Variants in CSNK1A1 observed in about 807,000 individuals in gnomAD.
CSNK1A1 encodes casein kinase I isoform alpha.
Under a neutral mutation model 46.1 loss-of-function variants are expected in CSNK1A1, and 7 were observed. The observed-to-expected ratio is 0.15, with a 90% CI of 0.09 to 0.29. The LOEUF is 0.29. CSNK1A1 is among the 10% of genes least tolerant of loss of function. The pLI, the probability that CSNK1A1 is intolerant of heterozygous loss-of-function variation, is 1.00. For synonymous variants in CSNK1A1, 137 were observed against 141.5 expected (o/e 0.97, Z 0.23); for missense variants, 96 against 417.1 (o/e 0.23, Z 6.71).
At chr5:149,498,243 A>C in intron 9 of CSNK1A1, 1 of 985,118 alleles carries the variant, frequency 1.0e-6, no homozygotes, top group Non-Finnish European at 1.2e-6. Context: ...TTTTTTGGGA[A>C]ATAATAGCGA....
intron 4 of CSNK1A1, among the ~76,000 whole-genome samples, chr5:149,514,269 T>C (rs889772271): frequency 1.3e-5 from 2 of 152,236 alleles, no homozygotes; most frequent in Non-Finnish European, 2.9e-5. Flanking sequence ...TATTCATTTA[T>C]AATGTAGCTA....
At position 149,493,467 on chromosome 5, in the gene CSNK1A1, T is replaced by A. The variant is rs1385015950; in HGVS notation, c.*3386A>T. 3 of 151,760 alleles carry A rather than the reference T, an allele frequency of 2.0e-5. No homozygotes were observed. Among genetic ancestry groups the A allele is most frequent in the African/African-American group, 7.3e-5 (3 of 41,268 alleles). 9.4% of individuals were successfully genotyped at this position (151,760 alleles called of 1,614,324 possible). A position where few individuals can be genotyped will look rare whatever the true frequency, so the allele number is the denominator to read the frequency against. ...CCAGGAGCCATTATTACTCTACTTT[T>A]GAGTATGTCCTCAAAACTGGTCTAA... On this transcript the variant is annotated 3_prime_UTR_variant, in exon 10 of 10. Transcript: ENST00000377843.
chr5:149,526,977 A>T (rs1332890104), intron 2 of CSNK1A1, among the ~76,000 whole-genome samples: 1 of 152,216 alleles, frequency 6.6e-6, no homozygotes, highest in Non-Finnish European at 1.5e-5. Flanking sequence ...AACCTGACAC[A>T]TGGATAACTG....
chr5:149,550,965 C>G lies in CSNK1A1; in HGVS notation c.-1G>C, dbSNP rs1207408669. 1 of 1,614,008 alleles carries G rather than the reference C, an allele frequency of 6.2e-7. No homozygotes were observed. Among genetic ancestry groups the G allele is most frequent in the Non-Finnish European group, 8.5e-7 (1 of 1,179,968 alleles). ...CCTTGGAGCCGCTGCTACTCGCCAT[C>G]CTGAGAGACGAAGATGGAGGCTGGG... is the stretch of plus-strand genomic sequence containing the variant. On this transcript the variant is annotated 5_prime_UTR_variant, in exon 1 of 10. Transcript: ENST00000377843. The surrounding 1 kb of genome is among the most constrained non-coding windows in gnomAD (Gnocchi z 4.3).
chr5:149,497,589 C>T lies in CSNK1A1; in HGVS notation c.1007-729G>A, dbSNP rs928882631. 8 of 985,376 alleles carry T rather than the reference C, an allele frequency of 8.1e-6. No homozygotes were observed. The African/African-American group carries it at 1.2e-4, about 15-fold the overall frequency. 61.0% of individuals were successfully genotyped at this position (985,376 alleles called of 1,614,324 possible). A position where few individuals can be genotyped will look rare whatever the true frequency, so the allele number is the denominator to read the frequency against. ...AATACAAGAAGCCTCAGGTCATAAC[C>T]ACACTTTATCTACAGCTAAAGGCAA... is the stretch of plus-strand genomic sequence containing the variant. On this transcript the variant is annotated intron_variant, in intron 9 of 9. Coordinates refer to ENST00000377843, the MANE Select transcript of CSNK1A1 (RefSeq NM_001892.6).
chr5:149,541,826 C>A lies in CSNK1A1; in HGVS notation c.230+8249G>T, dbSNP rs1193966888. On this transcript the variant is annotated intron_variant, in intron 2 of 9. Transcript: ENST00000377843. ...CCTCATCTCTACTAAAAAAAATTAG[C>A]CAGGCATGGTGGTATATGCCTGTAG... is the stretch of plus-strand genomic sequence containing the variant. Among the ~76,000 whole-genome samples, 3 of 151,844 alleles carry A rather than the reference C, an allele frequency of 2.0e-5. No homozygotes were observed. In the Middle Eastern group the frequency reaches 0.01, roughly 516 times the overall value.
chr5:149,545,614 G>A, intron 2 of CSNK1A1: 1 of 855,390 alleles, frequency 1.2e-6, no homozygotes, highest in East Asian at 2.8e-5. Context: ...AACCTCCTTG[G>A]GCTTTACGAG....
At chr5:149,524,919 T>A in intron 3 of CSNK1A1, 126 bp downstream of exon 3, 2 of 784,752 alleles carry the variant, frequency 2.5e-6, no homozygotes, top group South Asian at 3.1e-5. Flanking sequence ...CACATTATTA[T>A]TTTTTTTCTG....
At chr5:149,543,423 T>A (rs906799770) in intron 2 of CSNK1A1, among the ~76,000 whole-genome samples, 1 of 152,122 alleles carries the variant, frequency 6.6e-6, no homozygotes, top group Non-Finnish European at 1.5e-5. Context: ...TAGTATACCA[T>A]GAATTCAGTT....
rs899025518 is a variant in CSNK1A1, at chr5:149,497,723, C to T, written c.1007-863G>A. The T allele has an allele frequency of 7.9e-5, 78 of 985,520 alleles. 1 individual carries two copies. The Middle Eastern group carries it at 2.1e-3, about 26-fold the overall frequency. 61.0% of individuals were successfully genotyped at this position (985,520 alleles called of 1,614,324 possible). ...GGCACCAATGCTCCTTTGTCTACCT[C>T]CTTACAAATGAGCTAGAAACTATAG... On this transcript the variant is annotated intron_variant, in intron 9 of 9. Transcript: ENST00000377843.
intron 6 of CSNK1A1, among the ~76,000 whole-genome samples, chr5:149,510,282 G>T (rs941053915): frequency 1.3e-5 from 2 of 151,896 alleles, no homozygotes; most frequent in Non-Finnish European, 2.9e-5. Context: ...TTAAGGAGAT[G>T]GGGTCTCACT....
intron 9 of CSNK1A1, chr5:149,505,005 T>C (rs1232848134): frequency 2.0e-6 from 2 of 985,680 alleles, no homozygotes; most frequent in Non-Finnish European, 2.4e-6. Context: ...ACATGCAAAA[T>C]AAAAAATCTT....
chr5:149,504,315 T>C lies in CSNK1A1; in HGVS notation c.1006+1132A>G, dbSNP rs139512006. 1,191 of 984,592 alleles carry C rather than the reference T, an allele frequency of 1.2e-3. 15 individuals carry two copies. The African/African-American group carries it at 0.019, about 16-fold the overall frequency. The allele number at this position is 984,592 out of a possible 1,614,324, so 61.0% of individuals were successfully genotyped here. Reference sequence around the variant, plus strand: ...GGATGAGGATGACATCAGTTAATAATATTTCTTGAAAAGTATCTTCAGATT... The same window carrying C: ...GGATGAGGATGACATCAGTTAATAACATTTCTTGAAAAGTATCTTCAGATT... On this transcript the variant is annotated intron_variant, in intron 9 of 9. Coordinates refer to ENST00000377843, the MANE Select transcript of CSNK1A1 (RefSeq NM_001892.6).
chr5:149,499,224 G>C, intron 9 of CSNK1A1: 2 of 981,188 alleles, frequency 2.0e-6, no homozygotes, highest in Non-Finnish European at 2.4e-6. Flanking sequence ...GGCTCATCCA[G>C]GCTTCCAAGA....
At chr5:149,541,638 C>T (rs554005061) in intron 2 of CSNK1A1, among the ~76,000 whole-genome samples, 1 of 152,102 alleles carries the variant, frequency 6.6e-6, no homozygotes, top group Admixed American at 6.5e-5. Context: ...ATGAGAAAAC[C>T]AAGACTTAAT....
At position 149,550,967 on chromosome 5, in the gene CSNK1A1, TGA is replaced by T. The variant is rs1434187025; in HGVS notation, c.-5_-4del. On this transcript the variant is annotated 5_prime_UTR_variant, in exon 1 of 10. Coordinates refer to ENST00000377843, the MANE Select transcript of CSNK1A1 (RefSeq NM_001892.6). The surrounding 1 kb of genome is among the most constrained non-coding windows in gnomAD (Gnocchi z 4.3). Reference sequence around the variant, plus strand: ...TTGGAGCCGCTGCTACTCGCCATCCTGAGAGACGAAGATGGAGGCTGGGGCCA... The same window carrying T: ...TTGGAGCCGCTGCTACTCGCCATCCTGAGACGAAGATGGAGGCTGGGGCCA... The T allele has an allele frequency of 5.0e-6, 8 of 1,613,792 alleles. No individual in the cohort carries two copies. In the African/African-American group the frequency reaches 5.3e-5, roughly 11 times the overall value.
At chr5:149,510,559 C>A (rs1201986434) in intron 6 of CSNK1A1, among the ~76,000 whole-genome samples, 1 of 152,100 alleles carries the variant, frequency 6.6e-6, no homozygotes, top group African/African-American at 2.4e-5. Flanking sequence ...CTCGCTGTAG[C>A]CTCGAACTCC....
rs145958366 is a variant in CSNK1A1, at chr5:149,520,996, C to G, written c.358-608G>C. Among the ~76,000 whole-genome samples the G allele has an allele frequency of 3.5e-4, 54 of 152,240 alleles. No individual in the cohort carries two copies. In the East Asian group the frequency reaches 7.5e-3, roughly 21 times the overall value. ...AATTATGCAAAGTCAAACGCTATAG[C>G]TCAAATATCCTTTTTAATGGCTACA... is the stretch of plus-strand genomic sequence containing the variant. On this transcript the variant is annotated intron_variant, in intron 3 of 9. Coordinates refer to ENST00000377843, the MANE Select transcript of CSNK1A1 (RefSeq NM_001892.6).
rs1761698292 is a variant in CSNK1A1, at chr5:149,525,452, C to T, written c.231-281G>A. On this transcript the variant is annotated intron_variant, in intron 2 of 9. Coordinates refer to ENST00000377843, the MANE Select transcript of CSNK1A1 (RefSeq NM_001892.6). This position sits in a 1 kb window ranked among gnomAD's most constrained non-coding sequence, Gnocchi z 4.2. ...TTACCAGGGCAGCTGAATTTTATAC[C>T]CACTGGCCACTGATTCCTATGGCCT... Among the ~76,000 whole-genome samples the T allele has an allele frequency of 6.6e-6, 1 of 152,016 alleles. No individual in the cohort carries two copies. The highest frequency in any genetic ancestry group is 1.5e-5 in the Non-Finnish European group (1 of 68,006).
Sources: gnomAD v4.1 joint callset for allele counts (sites outside exome capture counted in the v4.1 genomes callset) on GRCh38, gnomAD v4.1.1 for gene constraint, Gnocchi (gnomAD v3.1) non-coding constraint, MANE v1.5 for transcripts, NCBI Gene and HGNC (gene_info 2026-07-23, HGNC 2026-07-21) for gene names.